Variants in HMGXB4 observed in about 807,000 individuals in gnomAD.
The protein encoded by HMGXB4 is HMG domain-containing protein 4.
A neutral mutation model predicts 63.9 loss-of-function variants in HMGXB4; 27 were observed. The ratio of observed to expected loss-of-function variants is 0.42; its 90% CI spans 0.31 to 0.58. The LOEUF is 0.58. Ranked by LOEUF, HMGXB4 falls within the 20% of genes least tolerant of loss-of-function variation. The pLI, the probability that HMGXB4 is intolerant of heterozygous loss-of-function variation, is 0.13. For missense variants in HMGXB4, 624 were observed against 700.7 expected, an observed-to-expected ratio of 0.89 and a Z score of 1.24; for synonymous variants, 264 against 265.3, an observed-to-expected ratio of 0.99 and a Z score of 0.05.
At chr22:35,276,860 A>G (rs764161277) in intron 5 of HMGXB4, among the ~76,000 whole-genome samples, 2 of 152,164 alleles carry the variant, frequency 1.3e-5, no homozygotes, top group Non-Finnish European at 2.9e-5. Context: ...TCTTGCTGCT[A>G]TTTGTCTGAT....
At chr22:35,279,899 G>C (rs1183687205) in intron 5 of HMGXB4, among the ~76,000 whole-genome samples, 1 of 152,060 alleles carries the variant, frequency 6.6e-6, no homozygotes, top group Non-Finnish European at 1.5e-5. Context: ...TAGCTTAATA[G>C]TAATATTGAA....
chr22:35,288,433 C>G, intron 9 of HMGXB4, 26 bp downstream of exon 9: 1 of 1,528,046 alleles, frequency 6.5e-7, no homozygotes, highest in Non-Finnish European at 8.9e-7. Flanking sequence ...AGCAGCATGA[C>G]TACAGTTTCC....
chr22:35,278,423 A>G (rs1224719439), intron 5 of HMGXB4, among the ~76,000 whole-genome samples: 2 of 152,182 alleles, frequency 1.3e-5, no homozygotes, highest in Non-Finnish European at 2.9e-5. Flanking sequence ...TGTAAGAACC[A>G]CCAAACTGTT....
intron 10 of HMGXB4, 79 bp from the exon 11 acceptor site, chr22:35,293,528 C>G (rs1925052592): frequency 1.1e-6 from 1 of 938,658 alleles, no homozygotes; most frequent in Admixed American, 1.9e-5. Context: ...TTTCTTATCT[C>G]TCTCCTTGAA....
At chr22:35,244,317 G>A in the HMGXB4 span, among the ~76,000 whole-genome samples, 38 of 147,502 alleles carry the variant, frequency 2.6e-4, no homozygotes, top group African/African-American at 8.3e-4. Flanking sequence ...TTTTTGAGAC[G>A]GAGTCTTGCT....
intron 5 of HMGXB4, among the ~76,000 whole-genome samples, chr22:35,281,980 G>A (rs1313723083): frequency 6.6e-6 from 1 of 152,118 alleles, no homozygotes; most frequent in Non-Finnish European, 1.5e-5. Flanking sequence ...TGTCCTTTGA[G>A]GGTCGTTATT....
the HMGXB4 span, among the ~76,000 whole-genome samples, chr22:35,249,448 T>G: frequency 1.0e-5 from 1 of 99,176 alleles, no homozygotes; most frequent in African/African-American, 2.6e-5. Context: ...ACTTCTTGAC[T>G]CTTACCAATA....
chr22:35,277,860 A>C (rs954025127), intron 5 of HMGXB4, among the ~76,000 whole-genome samples: 1 of 152,082 alleles, frequency 6.6e-6, no homozygotes, highest in South Asian at 2.1e-4. Flanking sequence ...TTGACACATC[A>C]TTATCACCCA....
intron 6 of HMGXB4, 28 bp downstream of exon 6, chr22:35,284,071 T>C (rs1442862992): frequency 6.7e-7 from 1 of 1,496,884 alleles, no homozygotes; most frequent in Admixed American, 1.7e-5. Flanking sequence ...CTGTAGCGCT[T>C]TTGCTTTCCA....
intron 7 of HMGXB4, among the ~76,000 whole-genome samples, chr22:35,286,507 TACC>T (rs1924585229): frequency 1.3e-5 from 2 of 152,170 alleles, no homozygotes; most frequent in Non-Finnish European, 2.9e-5. Flanking sequence ...CATCAACCAT[TACC>T]AAATAATGTA....
the HMGXB4 span, among the ~76,000 whole-genome samples, chr22:35,248,924 G>A: frequency 6.6e-6 from 1 of 152,312 alleles, no homozygotes; most frequent in South Asian, 2.1e-4. Context: ...AATGGAGCCT[G>A]CAGGACTGGA....
At chr22:35,263,339 A>G in intron 3 of HMGXB4, 113 bp downstream of exon 3, 1 of 811,438 alleles carries the variant, frequency 1.2e-6, no homozygotes, top group Non-Finnish European at 1.9e-6. Context: ...GCTTGAATGC[A>G]ATGGCACAAT....
At chr22:35,276,256 G>A (rs1445813068) in intron 5 of HMGXB4, among the ~76,000 whole-genome samples, 1 of 152,200 alleles carries the variant, frequency 6.6e-6, no homozygotes, top group Admixed American at 6.5e-5. Flanking sequence ...ATTGAAGGCT[G>A]ACAGAGTCTC....
chr22:35,282,519 G>A lies in HMGXB4; in HGVS notation c.1216-1443G>A, dbSNP rs1330590912. ...AAAGGACTAGGAGTAGATGAAAGAC[G>A]GAGAATCATATTTTGATGCTTCCAG... On this transcript the variant is annotated intron_variant, in intron 5 of 10. Transcript: ENST00000216106. Among the ~76,000 whole-genome samples, 5 of 152,142 alleles carry A rather than the reference G, an allele frequency of 3.3e-5. No homozygotes were observed. In the South Asian group the frequency reaches 8.3e-4, roughly 25 times the overall value.
At chr22:35,267,914 C>T (rs1278656189) in intron 5 of HMGXB4, among the ~76,000 whole-genome samples, 3 of 152,118 alleles carry the variant, frequency 2.0e-5, no homozygotes, top group African/African-American at 7.2e-5. Flanking sequence ...CTTCAGTTTG[C>T]ATATCATTAA....
At chr22:35,275,532 C>G (rs753030460) in intron 5 of HMGXB4, among the ~76,000 whole-genome samples, 2 of 152,132 alleles carry the variant, frequency 1.3e-5, no homozygotes, top group Admixed American at 6.5e-5. Context: ...CAGGTTCTTA[C>G]AGTTCTATGA....
In HMGXB4 at chr22:35,265,296, A is replaced by T; in HGVS notation, c.908A>T (p.Glu303Val). 1 of 1,614,086 alleles carries T rather than the reference A, an allele frequency of 6.2e-7. No homozygotes were observed. The highest frequency in any genetic ancestry group is 8.5e-7 in the Non-Finnish European group (1 of 1,180,010). ...ESDSSSGGEL[E>V]AGELVIDDSY... The stretch of plus-strand genomic sequence containing the variant: ...GACTCATCCTCTGGTGGGGAACTAG[A>T]GGCTGGGGAGTTAGTGATAGATGAT... Residue 303 changes from glutamate to valine, a missense_variant, in exon 5 of 11, where the codon GAG becomes GTG. This residue lies in a region of HMGXB4 where 472 missense variants were observed against 470.6 expected (regional missense o/e 1.00). Coordinates refer to ENST00000216106, the MANE Select transcript of HMGXB4 (RefSeq NM_001003681.3).
At chr22:35,277,581 C>T (rs1923988233) in intron 5 of HMGXB4, among the ~76,000 whole-genome samples, 1 of 152,198 alleles carries the variant, frequency 6.6e-6, no homozygotes, top group Non-Finnish European at 1.5e-5. Context: ...CTGCTGACCT[C>T]AGGTGATCTG....
At chr22:35,278,654 A>ATT (rs1425378933) in intron 5 of HMGXB4, among the ~76,000 whole-genome samples, 4 of 104,556 alleles carry the variant, frequency 3.8e-5, no homozygotes, top group African/African-American at 1.0e-4. Context: ...TTTTTTTAAT[A>ATT]TTATTTTTTT....
Sources: allele counts gnomAD v4.1 joint callset (sites outside exome capture counted in the v4.1 genomes callset), GRCh38; gene constraint gnomAD v4.1.1; regional missense constraint gnomAD v4.1.1; transcripts MANE v1.5; gene names NCBI Gene and HGNC (gene_info 2026-07-23, HGNC 2026-07-21).